The following DNAH11 variants were observed in gnomAD, a reference collection of about 807,000 sequenced individuals.
The protein encoded by DNAH11 is dynein axonemal heavy chain 11.
In DNAH11, 442 loss-of-function variants were observed where a neutral mutation model predicts 526.0. That is an observed-to-expected ratio of 0.84 (90% confidence interval 0.78 to 0.91). The LOEUF (loss-of-function observed/expected upper bound fraction) is 0.91, where lower values mean the gene tolerates loss of function less well. DNAH11 is among the 40% of genes least tolerant of loss of function. The pLI, the probability that DNAH11 is intolerant of heterozygous loss-of-function variation, is 0.00. For missense variants in DNAH11, 6,989 were observed against 5,448.7 expected (o/e 1.28, Z -8.90); for synonymous variants, 2,461 against 1,935.9 (o/e 1.27, Z -7.12).
intron 25 of DNAH11, among the ~76,000 whole-genome samples, chr7:21,626,261 G>C (rs1044432285): frequency 2.6e-5 from 4 of 152,092 alleles, no homozygotes; most frequent in South Asian, 2.1e-4. Context: ...ATGTCCTCTA[G>C]TTCCATCCAC....
chr7:21,545,021 A>G lies in DNAH11; in HGVS notation c.367A>G (p.Asn123Asp), dbSNP rs750093486. The G allele has an allele frequency of 4.8e-5, 76 of 1,588,476 alleles. No homozygotes were observed. Among genetic ancestry groups the G allele is most frequent in the Non-Finnish European group, 6.2e-5 (72 of 1,167,350 alleles). ...AASQEIPRDA[N>D]HKLVFISKKI... ...CTTGTTTTAGATTCCAAGAGATGCA[A>G]ACCATAAACTTGTTTTTATTTCCAA... Residue 123 changes from asparagine (N) to aspartate (D), a missense_variant, in exon 2 of 82, where the codon AAC becomes GAC. Transcript: ENST00000409508.
At chr7:21,588,478 C>T (rs749833926) in intron 10 of DNAH11, 34 bp from the exon 11 acceptor site, 2 of 1,610,926 alleles carry the variant, frequency 1.2e-6, no homozygotes, top group Admixed American at 3.3e-5. Context: ...TAAATGTTCC[C>T]TTTCTTCCTC....
At position 21,804,383 on chromosome 7, in the gene DNAH11, A is replaced by G. The variant is rs915208198; in HGVS notation, c.10165+3108A>G. Among the ~76,000 whole-genome samples the G allele has an allele frequency of 1.1e-4, 16 of 152,330 alleles. 1 individual carries two copies. Among genetic ancestry groups the G allele is most frequent in the Middle Eastern group, 3.4e-3 (1 of 294 alleles). ...CTCAGCCTCCCAAAGTGCTGGGATT[A>G]CAGGCATGAGCCACCGTGCCCAGCC... is the stretch of plus-strand genomic sequence containing the variant. On this transcript the variant is annotated intron_variant, in intron 62 of 81. Coordinates refer to ENST00000409508, the MANE Select transcript of DNAH11 (RefSeq NM_001277115.2).
At position 21,900,120 on chromosome 7, in the gene DNAH11, G is replaced by GGTAAGACAC; in HGVS notation, c.13303+1_13303+9dup. On this transcript the variant is annotated inframe_insertion and splice_region_variant. Coordinates refer to ENST00000409508, the MANE Select transcript of DNAH11 (RefSeq NM_001277115.2). The stretch of plus-strand genomic sequence containing the variant: ...ATACCTCCACGGACTCTTCATGGAG[G>GGTAAGACAC]GTAAGACACCCCAAGGGGTAAGTGG... The GGTAAGACAC allele has an allele frequency of 6.2e-7, 1 of 1,609,026 alleles. No homozygotes were observed. Among genetic ancestry groups the GGTAAGACAC allele is most frequent in the Non-Finnish European group, 8.5e-7 (1 of 1,177,224 alleles).
At chr7:21,826,045 G>A (rs555954171) in intron 65 of DNAH11, among the ~76,000 whole-genome samples, 70 of 151,984 alleles carry the variant, frequency 4.6e-4, no homozygotes, top group Non-Finnish European at 1.6e-4. Flanking sequence ...TGAGGGATAA[G>A]AAGTAACCTA....
chr7:21,723,540 A>G (rs1219664689), intron 44 of DNAH11, among the ~76,000 whole-genome samples: 1 of 152,196 alleles, frequency 6.6e-6, no homozygotes, highest in African/African-American at 2.4e-5. Context: ...CTGATAATTC[A>G]TCATCCACTC....
intron 65 of DNAH11, among the ~76,000 whole-genome samples, chr7:21,838,371 G>A (rs148118563): frequency 3.2e-4 from 49 of 152,240 alleles, no homozygotes; most frequent in Middle Eastern, 3.4e-3. Context: ...TTTTTTGGTA[G>A]CATCCTTATC....
intron 30 of DNAH11, among the ~76,000 whole-genome samples, chr7:21,680,179 G>C (rs572903368): frequency 6.6e-6 from 1 of 152,100 alleles, no homozygotes; most frequent in Non-Finnish European, 1.5e-5. Flanking sequence ...GCAGGGTTTC[G>C]CATTTTCCGG....
At chr7:21,705,931 C>G (rs1784245485) in intron 39 of DNAH11, among the ~76,000 whole-genome samples, 1 of 152,166 alleles carries the variant, frequency 6.6e-6, no homozygotes, top group Non-Finnish European at 1.5e-5. Context: ...AATAAGATAT[C>G]TGGCTGGAAG....
intron 60 of DNAH11, among the ~76,000 whole-genome samples, chr7:21,787,785 T>G (rs187092370): frequency 2.8e-4 from 43 of 152,242 alleles, no homozygotes; most frequent in Non-Finnish European, 5.1e-4. Context: ...TATCTTTTTT[T>G]GGGCAGAGTG....
intron 25 of DNAH11, among the ~76,000 whole-genome samples, chr7:21,629,848 G>A (rs1786520288): frequency 6.6e-6 from 1 of 152,052 alleles, no homozygotes; most frequent in Admixed American, 6.5e-5. Flanking sequence ...GCACTGTATA[G>A]TTCTGTTATG....
chr7:21,774,137 C>T, intron 56 of DNAH11, 138 bp downstream of exon 56: 3 of 794,648 alleles, frequency 3.8e-6, no homozygotes, highest in Non-Finnish European at 1.9e-6. Context: ...ACCAAGAATA[C>T]ACTGCTACTG....
Position 21,658,860 on chromosome 7 carries a change from A to C in DNAH11, c.5157A>C (p.Thr1719=), listed in dbSNP as rs149538783. 14 of 1,606,768 alleles carry C rather than the reference A, an allele frequency of 8.7e-6. No homozygotes were observed. Among genetic ancestry groups the C allele is most frequent in the Non-Finnish European group, 1.2e-5 (14 of 1,176,696 alleles). ...AAGAAACGGTGCGTCATTCTATAAC[A>C]GAAGCCATAGTGGCCTACGAGGAAA... ...TMQETVRHSI[T]EAIVAYEEKP... The change falls in exon 30 of 82, where the codon ACA becomes ACC. Residue 1719 remains threonine (T), a synonymous_variant. Transcript: ENST00000409508.
intron 30 of DNAH11, among the ~76,000 whole-genome samples, chr7:21,680,464 A>G (rs1783092360): frequency 6.6e-6 from 1 of 152,242 alleles, no homozygotes. Flanking sequence ...ATGACCACCT[A>G]AGACAGCATC....
chr7:21,871,682 A>T (rs1328321774), intron 73 of DNAH11, among the ~76,000 whole-genome samples: 1 of 152,206 alleles, frequency 6.6e-6, no homozygotes, highest in Non-Finnish European at 1.5e-5. Flanking sequence ...GTTAGTAAGC[A>T]TGTAAAGGAG....
At chr7:21,863,567 C>G (rs1783157276) in intron 69 of DNAH11, among the ~76,000 whole-genome samples, 2 of 152,150 alleles carry the variant, frequency 1.3e-5, no homozygotes, top group South Asian at 4.1e-4. Flanking sequence ...ACCTCATGAT[C>G]TGCCCGCCTC....
At chr7:21,624,063 C>T (rs1193506691) in intron 25 of DNAH11, among the ~76,000 whole-genome samples, 1 of 151,962 alleles carries the variant, frequency 6.6e-6, no homozygotes, top group Non-Finnish European at 1.5e-5. Flanking sequence ...CATGGTACCT[C>T]TTAAAGGTCT....
intron 5 of DNAH11, among the ~76,000 whole-genome samples, 199 bp from the exon 6 acceptor site, chr7:21,563,987 A>G (rs1783563336): frequency 6.6e-6 from 1 of 152,132 alleles, no homozygotes; most frequent in Admixed American, 6.6e-5. Flanking sequence ...CTCCCAGATG[A>G]CTCAGTTACA....
At chr7:21,786,442 G>A (rs916647955) in intron 58 of DNAH11, among the ~76,000 whole-genome samples, 182 bp from the exon 59 acceptor site, 5 of 152,116 alleles carry the variant, frequency 3.3e-5, no homozygotes, top group Non-Finnish European at 7.4e-5. Flanking sequence ...GAAGTGCCCA[G>A]CAAGAACTGA....
Sources: gnomAD v4.1 joint callset for allele counts (sites outside exome capture counted in the v4.1 genomes callset) on GRCh38, gnomAD v4.1.1 for gene constraint, MANE v1.5 for transcripts, NCBI Gene and HGNC (gene_info 2026-07-23, HGNC 2026-07-21) for gene names.